BPHL: variants seen among roughly 807,000 people sequenced by gnomAD.
BPHL encodes biphenyl hydrolase like, also known as serine hydrolase BPHL.
A neutral mutation model predicts 31.2 loss-of-function variants in BPHL; 27 were observed. The ratio of observed to expected loss-of-function variants is 0.87; its 90% CI spans 0.64 to 1.19. BPHL has a LOEUF of 1.19. Ranked by LOEUF, BPHL falls within the 50% of genes most tolerant of loss-of-function variation. The pLI is 0.00. For missense variants in BPHL, 356 were observed against 375.7 expected (o/e 0.95, Z 0.43); for synonymous variants, 150 against 146.8 (o/e 1.02, Z -0.16).
rs773550519 is a variant in BPHL at position 3,123,773 on chromosome 6, T to C, written c.211+13T>C. 6 of 1,599,090 alleles carry C rather than the reference T, an allele frequency of 3.8e-6. No individual in the cohort carries two copies. In the Admixed American group the frequency reaches 8.4e-5, roughly 22 times the overall value. On this transcript the variant is annotated intron_variant, in intron 2 of 6. Transcript: ENST00000380379. The stretch of plus-strand genomic sequence containing the variant: ...CCTGGGATGTTAGGTCTGGGTACTT[T>C]TTAATGGAATGTTTTTGCATGCTGT...
At chr6:3,141,780 CCTAGCCAACAT>C (rs1762184908) in intron 6 of BPHL, among the ~76,000 whole-genome samples, 1 of 152,050 alleles carries the variant, frequency 6.6e-6, no homozygotes, top group South Asian at 2.1e-4. Flanking sequence ...TCAAGACCAG[CCTAGCCAACAT>C]GGCGAAACCC....
intron 6 of BPHL, among the ~76,000 whole-genome samples, chr6:3,147,548 C>A (rs1459437192): frequency 6.6e-6 from 1 of 152,122 alleles, no homozygotes; most frequent in East Asian, 1.9e-4. Context: ...ATGCTCCCGC[C>A]TCAGCCTCCT....
intron 6 of BPHL, among the ~76,000 whole-genome samples, chr6:3,142,291 G>A (rs1762199944): frequency 1.3e-5 from 2 of 151,904 alleles, no homozygotes; most frequent in Non-Finnish European, 2.9e-5. Flanking sequence ...GCTAATTTTT[G>A]CATTTTTAGT....
chr6:3,142,276 G>T (rs768187722), intron 6 of BPHL, among the ~76,000 whole-genome samples: 12 of 151,898 alleles, frequency 7.9e-5, no homozygotes, highest in East Asian at 7.8e-4. Flanking sequence ...CCGCCACCAC[G>T]CCCAGCTAAT....
At chr6:3,138,434 A>AT (rs889792642) in intron 5 of BPHL, 17 of 154,188 alleles carry the variant, frequency 1.1e-4, no homozygotes, top group South Asian at 5.9e-4. Flanking sequence ...TTATAATCTC[A>AT]TTTTTTTTTA....
upstream of BPHL, chr6:3,118,485 C>G (rs1398441419): frequency 2.9e-6 from 1 of 340,768 alleles, no homozygotes; most frequent in African/African-American, 2.1e-5. Flanking sequence ...ATCCCGGGAG[C>G]CAGAGCCAGC....
chr6:3,151,378 C>T (rs1762519687), intron 6 of BPHL, among the ~76,000 whole-genome samples: 1 of 152,094 alleles, frequency 6.6e-6, no homozygotes, highest in African/African-American at 2.4e-5. Flanking sequence ...TTAGTAATAG[C>T]ATTACTAATG....
At position 3,134,465 on chromosome 6, in the gene BPHL, G is replaced by T. The variant is rs142374847; in HGVS notation, c.533-2897G>T. On this transcript the variant is annotated intron_variant, in intron 4 of 6. Transcript: ENST00000380379. ...TTTTTTTTTTTTTTTTTGAGACAGGGTCTCCACTATTGCCCAGGCTGGAGT... is the reference window on the plus strand; with the variant it reads ...TTTTTTTTTTTTTTTTTGAGACAGGTTCTCCACTATTGCCCAGGCTGGAGT... 2.8e-3 allele frequency among the ~76,000 whole-genome samples: 400 copies of T among 145,316 alleles called. 3 individuals are homozygous for T. Among genetic ancestry groups the T allele is most frequent in the African/African-American group, 9.6e-3 (372 of 38,934 alleles).
intron 5 of BPHL, chr6:3,139,491 C>A (rs982578068): frequency 6.6e-6 from 1 of 152,218 alleles, no homozygotes; most frequent in African/African-American, 2.4e-5. Flanking sequence ...GTCCGCTTCT[C>A]ACTTAGCAGG....
intron 5 of BPHL, chr6:3,138,778 T>G (rs1172664547): frequency 6.6e-6 from 1 of 152,206 alleles, no homozygotes; most frequent in Non-Finnish European, 1.5e-5. Flanking sequence ...ATTTGTAAAA[T>G]GTAAACTTGG....
upstream of BPHL, chr6:3,118,513 T>C: frequency 2.7e-6 from 1 of 375,020 alleles, no homozygotes; most frequent in Non-Finnish European, 4.7e-6. Context: ...GGGGACGGTC[T>C]ACGCGGGTGC....
intron 6 of BPHL, among the ~76,000 whole-genome samples, chr6:3,146,759 T>G (rs935616806): frequency 0.075 from 1,707 of 22,910 alleles, 1 homozygote; most frequent in Non-Finnish European, 0.11. Flanking sequence ...CTGGTTTGGG[T>G]CAGAGTGCTG....
chr6:3,145,178 G>A (rs1762297095), intron 6 of BPHL, among the ~76,000 whole-genome samples: 2 of 84,320 alleles, frequency 2.4e-5, no homozygotes, highest in African/African-American at 4.1e-5. Context: ...TGGAGTGCTG[G>A]TTCGGGGTGG....
chr6:3,137,109 G>A (rs1358391868), intron 4 of BPHL, among the ~76,000 whole-genome samples: 1 of 151,966 alleles, frequency 6.6e-6, no homozygotes, highest in African/African-American at 2.4e-5. Context: ...AGGCCCTGGG[G>A]TACAGTGGGG....
intron 4 of BPHL, among the ~76,000 whole-genome samples, chr6:3,131,880 G>T (rs960435890): frequency 6.6e-6 from 1 of 152,068 alleles, no homozygotes; most frequent in Non-Finnish European, 1.5e-5. Context: ...CTGGGATGGC[G>T]TCCCGGAGCC....
chr6:3,118,696 G>A, upstream of BPHL: 1 of 1,223,148 alleles, frequency 8.2e-7, no homozygotes, highest in Non-Finnish European at 1.0e-6. Flanking sequence ...TACCGCGCTT[G>A]GTCTTAGCGC....
chr6:3,129,063 G>A lies in BPHL; in HGVS notation c.397G>A (p.Val133Ile). Residue 133 changes from valine to isoleucine, a missense_variant, in exon 4 of 7, where the codon GTT becomes ATT. Transcript: ENST00000380379. ...ATCATAGGCGCTGAAGTTTAAGAAG[G>A]TTTCTCTGCTGGGGTGGAGTGATGG... ...DLMKALKFKKVSLLGWSDGGI... is the reference protein window; with the variant it reads ...DLMKALKFKKISLLGWSDGGI... 1 of 1,614,260 alleles carries A rather than the reference G, an allele frequency of 6.2e-7. No homozygotes were observed. The highest frequency in any genetic ancestry group is 8.5e-7 in the Non-Finnish European group (1 of 1,180,048).
intron 3 of BPHL, among the ~76,000 whole-genome samples, chr6:3,128,562 C>T (rs535122362): frequency 1.1e-3 from 169 of 152,326 alleles, no homozygotes; most frequent in African/African-American, 3.8e-3. Flanking sequence ...CTCCCCATGA[C>T]GCTGTTCTCT....
chr6:3,152,681 C>T lies in BPHL; in HGVS notation c.*106C>T, dbSNP rs1413409312. On this transcript the variant is annotated 3_prime_UTR_variant, in exon 7 of 7. Transcript: ENST00000380379. ...TCTCCGCCTTTGAAACTTTCTACCC[C>T]TCCCTTCAATCTTATCCTAACCAAA... 2.0e-6 allele frequency: 2 copies of T among 981,808 alleles called. No individual in the cohort carries two copies. Among genetic ancestry groups the T allele is most frequent in the African/African-American group, 1.6e-5 (1 of 60,620 alleles). The allele number at this position is 981,808 out of a possible 1,614,324, so 60.8% of individuals were successfully genotyped here. A position where few individuals can be genotyped will look rare whatever the true frequency, so the allele number is the denominator to read the frequency against.
Sources: allele counts gnomAD v4.1 joint callset (sites outside exome capture counted in the v4.1 genomes callset), GRCh38; gene constraint gnomAD v4.1.1; transcripts MANE v1.5; gene names NCBI Gene and HGNC (gene_info 2026-07-23, HGNC 2026-07-21).